Variants in KITLG observed in about 807,000 individuals in gnomAD.
KITLG encodes c-Kit ligand.
In KITLG, 13 loss-of-function variants were observed where a neutral mutation model predicts 34.1. The ratio of observed to expected loss-of-function variants is 0.38; its 90% confidence interval spans 0.25 to 0.61. KITLG has a LOEUF of 0.61. Among genes scored for constraint, KITLG ranks in the 20% least tolerant of loss-of-function variants. KITLG has a pLI of 0.60. For missense variants in KITLG, 292 were observed against 318.9 expected (o/e 0.92, Z 0.64); for synonymous variants, 110 against 104.0 (o/e 1.06, Z -0.35).
rs538225484 is a variant in KITLG at position 88,580,227 on chromosome 12, T to C, written c.15+37A>G. 2.5e-6 allele frequency: 4 copies of C among 1,596,752 alleles called. No individual in the cohort carries two copies. In the South Asian group the frequency reaches 4.5e-5, roughly 18 times the overall value. On this transcript the variant is annotated intron_variant, in intron 1 of 9. Transcript: ENST00000644744. ...CCGGGGCACCGGGCGCGATTTTTCC[T>C]GGAGAGCCTGGGAGCTCCCGGGCGC... is the stretch of plus-strand genomic sequence containing the variant.
At chr12:88,497,863 G>A (rs1868701001) in intron 9 of KITLG, among the ~76,000 whole-genome samples, 1 of 152,094 alleles carries the variant, frequency 6.6e-6, no homozygotes, top group Admixed American at 6.6e-5. Flanking sequence ...TTCCAGCTGA[G>A]GAAATAGCAG....
rs149646301 is a variant in KITLG at position 88,544,527 on chromosome 12, C to T, written c.129+1225G>A. 3.0e-4 allele frequency among the ~76,000 whole-genome samples: 45 copies of T among 150,048 alleles called. No individual in the cohort carries two copies. The East Asian group carries it at 8.2e-3, about 28-fold the overall frequency. On this transcript the variant is annotated intron_variant, in intron 2 of 9. Transcript: ENST00000644744. ...GTATGTTTTTAAAAAAAAAAAAGTA[C>T]TCCCCCCTCACCCCCATCCCTATAC...
At chr12:88,505,296 T>C (rs537168910) in intron 8 of KITLG, 61 bp from the exon 9 acceptor site, 3 of 1,333,918 alleles carry the variant, frequency 2.2e-6, no homozygotes, top group East Asian at 2.3e-5. Context: ...AGGTACACCA[T>C]GATCTCGGCA....
At chr12:88,565,715 A>T (rs1048402766) in intron 1 of KITLG, among the ~76,000 whole-genome samples, 1 of 152,190 alleles carries the variant, frequency 6.6e-6, no homozygotes, top group African/African-American at 2.4e-5. Flanking sequence ...GAACAAACAG[A>T]TCAGGTTTGA....
intron 1 of KITLG, among the ~76,000 whole-genome samples, chr12:88,578,353 G>C (rs764138581): frequency 4.6e-5 from 7 of 152,108 alleles, no homozygotes; most frequent in Non-Finnish European, 1.0e-4. Context: ...TTTAACATCA[G>C]CAAGTTCCCC....
At chr12:88,563,800 A>C (rs1037112345) in intron 1 of KITLG, among the ~76,000 whole-genome samples, 19 of 152,146 alleles carry the variant, frequency 1.2e-4, no homozygotes, top group Non-Finnish European at 2.6e-4. Context: ...ACCTCTACTA[A>C]AAATACAAAA....
intron 2 of KITLG, among the ~76,000 whole-genome samples, chr12:88,544,227 G>C (rs1439734667): frequency 6.6e-6 from 1 of 151,996 alleles, no homozygotes; most frequent in Non-Finnish European, 1.5e-5. Context: ...TATGTGCTAG[G>C]CACTGTGCTC....
At chr12:88,557,839 T>C (rs1871150452) in intron 1 of KITLG, among the ~76,000 whole-genome samples, 1 of 152,116 alleles carries the variant, frequency 6.6e-6, no homozygotes, top group South Asian at 2.1e-4. Context: ...CTAGCTGCTC[T>C]TAAAATTGAA....
intron 1 of KITLG, among the ~76,000 whole-genome samples, chr12:88,577,574 T>C (rs1592592489): frequency 2.0e-5 from 3 of 152,190 alleles, no homozygotes; most frequent in Non-Finnish European, 4.4e-5. Context: ...ATGTTTTTTC[T>C]AAGCCCAAGC....
chr12:88,515,645 G>A (rs1869428953), intron 5 of KITLG, 28 bp from the exon 6 acceptor site: 1 of 1,504,552 alleles, frequency 6.6e-7, no homozygotes, highest in South Asian at 1.1e-5. Context: ...ATGTGTCAGT[G>A]TTATATGGTG....
Position 88,554,163 on chromosome 12 carries a change from T to C in KITLG, c.16-8298A>G, listed in dbSNP as rs568762920. Among the ~76,000 whole-genome samples the C allele has an allele frequency of 3.9e-5, 6 of 152,304 alleles. No individual in the cohort carries two copies. The South Asian group carries it at 1.2e-3, about 32-fold the overall frequency. On this transcript the variant is annotated intron_variant, in intron 1 of 9. Coordinates refer to ENST00000644744, the MANE Select transcript of KITLG (RefSeq NM_000899.5). Reference sequence around the variant, plus strand: ...CACATAAGTCACACTGCAGATTCCTTTCCTTCAGTAGAAATTAAAATGCAT... The same window carrying C: ...CACATAAGTCACACTGCAGATTCCTCTCCTTCAGTAGAAATTAAAATGCAT...
intron 2 of KITLG, among the ~76,000 whole-genome samples, chr12:88,540,616 A>C (rs946415861): frequency 6.6e-6 from 1 of 152,152 alleles, no homozygotes; most frequent in Non-Finnish European, 1.5e-5. Flanking sequence ...CCTGGGCAAC[A>C]TAATGGGACC....
At chr12:88,576,237 A>G (rs956984071) in intron 1 of KITLG, among the ~76,000 whole-genome samples, 1 of 152,188 alleles carries the variant, frequency 6.6e-6, no homozygotes, top group Non-Finnish European at 1.5e-5. Context: ...AGCACCTCTT[A>G]AGCCCACATA....
At chr12:88,521,215 TG>T (rs2120849818) in intron 3 of KITLG, among the ~76,000 whole-genome samples, 1 of 152,268 alleles carries the variant, frequency 6.6e-6, no homozygotes, top group South Asian at 2.1e-4. Flanking sequence ...AAAGATAAAA[TG>T]AAGGTAAACA....
intron 1 of KITLG, among the ~76,000 whole-genome samples, chr12:88,554,628 T>C (rs1205058675): frequency 6.6e-6 from 1 of 152,166 alleles, no homozygotes; most frequent in Non-Finnish European, 1.5e-5. Flanking sequence ...TGAGTTCAGG[T>C]CTTCTTAACT....
rs192686879 is a variant in KITLG at position 88,540,957 on chromosome 12, T to G, written c.129+4795A>C. Among the ~76,000 whole-genome samples, 14 of 152,250 alleles carry G rather than the reference T, an allele frequency of 9.2e-5. 1 individual carries two copies. Among genetic ancestry groups the G allele is most frequent in the Non-Finnish European group, 2.1e-4 (14 of 68,016 alleles). ...TTTTCGAAGGTCAAACAAAATTATG[T>G]GAAATCTTCACTATTAATGATATAC... On this transcript the variant is annotated intron_variant, in intron 2 of 9. Coordinates refer to ENST00000644744, the MANE Select transcript of KITLG (RefSeq NM_000899.5).
chr12:88,574,554 C>T (rs1159952865), intron 1 of KITLG, among the ~76,000 whole-genome samples: 1 of 152,150 alleles, frequency 6.6e-6, no homozygotes, highest in Non-Finnish European at 1.5e-5. Context: ...GGGCATGATT[C>T]AGAGATACTA....
chr12:88,547,873 C>T lies in KITLG; in HGVS notation c.16-2008G>A, dbSNP rs143253469. On this transcript the variant is annotated intron_variant, in intron 1 of 9. Coordinates refer to ENST00000644744, the MANE Select transcript of KITLG (RefSeq NM_000899.5). Reference sequence around the variant, plus strand: ...GTATTTATTGAGTATCTGGTGTATACCAGGCATTGTCCTAGGTGCTAGGCC... The same window carrying T: ...GTATTTATTGAGTATCTGGTGTATATCAGGCATTGTCCTAGGTGCTAGGCC... 4.2e-3 allele frequency among the ~76,000 whole-genome samples: 645 copies of T among 152,284 alleles called. 3 individuals carry two copies. The highest frequency in any genetic ancestry group is 0.017 in the Middle Eastern group (5 of 294).
intron 6 of KITLG, among the ~76,000 whole-genome samples, chr12:88,511,600 T>C (rs994792334): frequency 5.9e-5 from 9 of 152,102 alleles, no homozygotes; most frequent in Non-Finnish European, 1.2e-4. Context: ...CTTAAGTTAC[T>C]GGTCCAATAA....
Sources: gnomAD v4.1 joint callset for allele counts (sites outside exome capture counted in the v4.1 genomes callset) on GRCh38, gnomAD v4.1.1 for gene constraint, MANE v1.5 for transcripts, NCBI Gene and HGNC (gene_info 2026-07-23, HGNC 2026-07-21) for gene names.